PARD3: variants seen among roughly 807,000 people sequenced by gnomAD.
The protein encoded by PARD3 is partitioning defective 3 homolog.
PARD3 carries 75 observed loss-of-function variants against 155.4 expected under a neutral mutation model. That is an observed-to-expected ratio of 0.48 (90% CI 0.40 to 0.58). The LOEUF is 0.58. Among genes scored for constraint, PARD3 ranks in the 20% least tolerant of loss-of-function variants. PARD3 has a pLI of 0.00. For missense variants in PARD3, 1,642 were observed against 1,721.7 expected, an observed-to-expected ratio of 0.95 and a Z score of 0.82; for synonymous variants, 576 against 610.5, an observed-to-expected ratio of 0.94 and a Z score of 0.83.
At chr10:34,691,663 G>C (rs1283952247) in intron 2 of PARD3, among the ~76,000 whole-genome samples, 1 of 152,156 alleles carries the variant, frequency 6.6e-6, no homozygotes, top group African/African-American at 2.4e-5. Context: ...AACAAAGCTG[G>C]AGGCATCACA....
rs114446585 is a variant in PARD3 at position 34,329,506 on chromosome 10, A to G, written c.2833+1611T>C. On this transcript the variant is annotated intron_variant, in intron 19 of 24. Transcript: ENST00000374788. ...AAAAACTCAATAGGGTCGAAAGCTT[A>G]TATGACTCAGGATCTTGGAGACCAG... 3.3e-3 allele frequency among the ~76,000 whole-genome samples: 504 copies of G among 152,340 alleles called. 3 individuals are homozygous for G. The highest frequency in any genetic ancestry group is 0.012 in the African/African-American group (484 of 41,594).
At position 34,374,910 on chromosome 10, in the gene PARD3, G is replaced by A. The variant is rs1841064220; in HGVS notation, c.1632C>T (p.Val544=). 1 of 1,613,844 alleles carries A rather than the reference G, an allele frequency of 6.2e-7. No individual in the cohort carries two copies. The highest frequency in any genetic ancestry group is 8.5e-7 in the Non-Finnish European group (1 of 1,179,906). The change falls in exon 11 of 25, where the codon GTC becomes GTT. Residue 544 remains valine, a synonymous_variant. Coordinates refer to ENST00000374788, the MANE Select transcript of PARD3 (RefSeq NM_001184785.2). ...GGTGGAAGGCGTCTTCCTGGCGAAA[G>A]ACCAGAAGGCTCACAGTTCCTTCCA... ...TKMEGTVSLL[V]FRQEDAFHPR...
At chr10:34,318,155 A>G (rs1325065941) in intron 19 of PARD3, among the ~76,000 whole-genome samples, 1 of 152,174 alleles carries the variant, frequency 6.6e-6, no homozygotes, top group African/African-American at 2.4e-5. Flanking sequence ...GGGCACTTCA[A>G]TACCCCAAAC....
intron 2 of PARD3, among the ~76,000 whole-genome samples, chr10:34,557,232 T>A (rs1347043236): frequency 1.3e-5 from 2 of 152,222 alleles, no homozygotes. Context: ...AAATAGGTTA[T>A]AACCAACCAA....
chr10:34,307,686 C>T (rs1028851405), intron 20 of PARD3, among the ~76,000 whole-genome samples: 1 of 152,152 alleles, frequency 6.6e-6, no homozygotes, highest in African/African-American at 2.4e-5. Context: ...ACAGAGCTGC[C>T]TTCCAAGACT....
intron 2 of PARD3, among the ~76,000 whole-genome samples, chr10:34,520,988 T>A (rs1257130856): frequency 6.6e-6 from 1 of 152,216 alleles, no homozygotes; most frequent in Non-Finnish European, 1.5e-5. Context: ...TTTTGACATT[T>A]TGGTGCTTAA....
intron 24 of PARD3, among the ~76,000 whole-genome samples, chr10:34,114,909 C>A (rs759419399): frequency 1.9e-4 from 29 of 152,178 alleles, no homozygotes; most frequent in Non-Finnish European, 1.5e-4. Context: ...ATTGTTTGGT[C>A]CTGCAGTGAG....
At chr10:34,378,518 G>T (rs565644113) in intron 9 of PARD3, among the ~76,000 whole-genome samples, 2 of 152,262 alleles carry the variant, frequency 1.3e-5, no homozygotes, top group South Asian at 4.2e-4. Context: ...AGGGTAGGAG[G>T]TATGAGCAAG....
At chr10:34,383,472 C>G (rs888596004) in intron 8 of PARD3, among the ~76,000 whole-genome samples, 2 of 151,936 alleles carry the variant, frequency 1.3e-5, no homozygotes, top group Non-Finnish European at 2.9e-5. Flanking sequence ...GTAAAAATCT[C>G]AAGAACAGCA....
chr10:34,369,148 T>C (rs17557746), intron 12 of PARD3, among the ~76,000 whole-genome samples: 6,105 of 152,140 alleles, frequency 0.04, 197 homozygotes, highest in East Asian at 0.091. Context: ...GTTAATTCTT[T>C]GTTCCTCCCC....
At chr10:34,551,096 C>T (rs954037698) in intron 2 of PARD3, among the ~76,000 whole-genome samples, 3 of 152,018 alleles carry the variant, frequency 2.0e-5, no homozygotes, top group Non-Finnish European at 2.9e-5. Context: ...CCAAAGCAAC[C>T]GAAATGATCA....
At chr10:34,334,134 A>C (rs1015521053) in intron 18 of PARD3, among the ~76,000 whole-genome samples, 5 of 151,844 alleles carry the variant, frequency 3.3e-5, no homozygotes, top group African/African-American at 1.2e-4. Flanking sequence ...GGTCATTAGC[A>C]TACTTTGCTA....
At chr10:34,291,196 A>C (rs953500238) in intron 20 of PARD3, among the ~76,000 whole-genome samples, 4 of 152,234 alleles carry the variant, frequency 2.6e-5, no homozygotes, top group African/African-American at 9.6e-5. Flanking sequence ...AAATCTAGCC[A>C]TATATCTTTG....
chr10:34,657,260 C>T (rs1446295714), intron 2 of PARD3, among the ~76,000 whole-genome samples: 2 of 151,724 alleles, frequency 1.3e-5, no homozygotes, highest in Non-Finnish European at 2.9e-5. Flanking sequence ...AAAGCCAGAT[C>T]GAGAACATGC....
chr10:34,294,710 ACTG>A (rs1956827747), intron 20 of PARD3, among the ~76,000 whole-genome samples: 1 of 152,190 alleles, frequency 6.6e-6, no homozygotes, highest in South Asian at 2.1e-4. Flanking sequence ...CTGTGGAAAA[ACTG>A]CTAAGAATTG....
chr10:34,637,949 C>A (rs960890126), intron 2 of PARD3, among the ~76,000 whole-genome samples: 1 of 151,886 alleles, frequency 6.6e-6, no homozygotes, highest in African/African-American at 2.4e-5. Flanking sequence ...AAAGCTGAGG[C>A]AAAAACAACT....
intron 23 of PARD3, among the ~76,000 whole-genome samples, chr10:34,124,505 A>T (rs1357927227): frequency 2.6e-5 from 4 of 152,168 alleles, no homozygotes; most frequent in African/African-American, 9.7e-5. Context: ...TCTTCAGTAG[A>T]CTTATGTACA....
At chr10:34,688,247 G>GA (rs1350947343) in intron 2 of PARD3, among the ~76,000 whole-genome samples, 3 of 152,104 alleles carry the variant, frequency 2.0e-5, no homozygotes, top group Non-Finnish European at 4.4e-5. Context: ...GATAAATTTG[G>GA]AAAAATTATC....
chr10:34,335,563 C>A (rs1433376623), intron 18 of PARD3, among the ~76,000 whole-genome samples: 1 of 151,950 alleles, frequency 6.6e-6, no homozygotes, highest in Non-Finnish European at 1.5e-5. Flanking sequence ...TCAATATAAT[C>A]CATTGTTTCT....
Sources: allele counts gnomAD v4.1 joint callset (sites outside exome capture counted in the v4.1 genomes callset), GRCh38; gene constraint gnomAD v4.1.1; transcripts MANE v1.5; gene names NCBI Gene and HGNC (gene_info 2026-07-23, HGNC 2026-07-21).